SEL1L2: variants seen among roughly 807,000 people sequenced by gnomAD.
SEL1L2 encodes SEL1L2 adaptor subunit of SYVN1 ubiquitin ligase.
In SEL1L2, 89 loss-of-function variants were observed where a neutral mutation model predicts 98.8. The observed-to-expected ratio is 0.90, with a 90% CI of 0.76 to 1.07. The LOEUF (loss-of-function observed/expected upper bound fraction) is 1.07, where lower values mean the gene tolerates loss of function less well. Among genes scored for constraint, SEL1L2 ranks in the 50% least tolerant of loss-of-function variants. The pLI, the probability that SEL1L2 is intolerant of heterozygous loss-of-function variation, is 0.00. For missense variants in SEL1L2, 788 were observed against 812.0 expected, an observed-to-expected ratio of 0.97 and a Z score of 0.36; for synonymous variants, 262 against 278.5, an observed-to-expected ratio of 0.94 and a Z score of 0.59.
intron 18 of SEL1L2, 71 bp from the exon 19 acceptor site, chr20:13,850,390 T>C: frequency 2.0e-6 from 3 of 1,530,594 alleles, no homozygotes; most frequent in Non-Finnish European, 2.7e-6. Flanking sequence ...TTGTTCACAA[T>C]ATCAAATGTA....
intron 11 of SEL1L2, among the ~76,000 whole-genome samples, chr20:13,876,365 C>A: frequency 6.8e-6 from 1 of 147,282 alleles, no homozygotes; most frequent in East Asian, 2.0e-4. Context: ...TGCCTGAGGG[C>A]AAAGAAATGG....
chr20:13,961,597 A>T (rs181015228), intron 1 of SEL1L2, among the ~76,000 whole-genome samples: 1 of 152,312 alleles, frequency 6.6e-6, no homozygotes, highest in Admixed American at 6.5e-5. Flanking sequence ...TCAAAATGAG[A>T]AGAGGCCTCT....
intron 11 of SEL1L2, among the ~76,000 whole-genome samples, chr20:13,877,247 C>T (rs551862617): frequency 1.3e-5 from 2 of 152,192 alleles, no homozygotes; most frequent in Non-Finnish European, 2.9e-5. Context: ...CCCACTTAGC[C>T]GCTTCCGTGA....
In SEL1L2 at chr20:13,886,459, G is replaced by A. The variant is rs780640466; in HGVS notation, c.746-17C>T. The A allele has an allele frequency of 9.9e-6, 16 of 1,609,828 alleles. No homozygotes were observed. Among genetic ancestry groups the A allele is most frequent in the Non-Finnish European group, 1.3e-5 (15 of 1,178,372 alleles). ...TGTCAGCAACTGTGAATAAAAACAA[G>A]CCAGAGAATAGCTAGAAAACAGAGG... On this transcript the variant is annotated splice_polypyrimidine_tract_variant and intron_variant, in intron 8 of 19. Transcript: ENST00000284951.
chr20:13,965,110 C>T (rs1371779415), intron 1 of SEL1L2, among the ~76,000 whole-genome samples: 1 of 113,116 alleles, frequency 8.8e-6, no homozygotes, highest in African/African-American at 3.4e-5. Context: ...GCTGTGGGTG[C>T]AGGAGGTCAG....
chr20:13,895,225 A>C (rs757964868), intron 5 of SEL1L2, among the ~76,000 whole-genome samples: 9 of 152,110 alleles, frequency 5.9e-5, no homozygotes, highest in Non-Finnish European at 1.0e-4. Flanking sequence ...GGCAGATTGC[A>C]TGAGCTCACG....
intron 13 of SEL1L2, among the ~76,000 whole-genome samples, 159 bp downstream of exon 13, chr20:13,869,982 T>C (rs1215000894): frequency 6.6e-6 from 1 of 152,176 alleles, no homozygotes; most frequent in Non-Finnish European, 1.5e-5. Flanking sequence ...CAGTGTCTCT[T>C]TGGCAGAGAT....
At chr20:13,986,275 G>A (rs980795728) in intron 1 of SEL1L2, among the ~76,000 whole-genome samples, 5 of 149,938 alleles carry the variant, frequency 3.3e-5, no homozygotes, top group Admixed American at 1.3e-4. Context: ...AAAATTACCC[G>A]TTTTAAAGTG....
chr20:13,972,844 C>T (rs984019641), intron 1 of SEL1L2, among the ~76,000 whole-genome samples: 1 of 152,156 alleles, frequency 6.6e-6, no homozygotes, highest in Non-Finnish European at 1.5e-5. Flanking sequence ...AAAGTACTCA[C>T]ATTTTACCAC....
At chr20:13,850,520 G>A (rs556859795) in intron 18 of SEL1L2, among the ~76,000 whole-genome samples, 3 of 152,308 alleles carry the variant, frequency 2.0e-5, no homozygotes, top group Admixed American at 2.0e-4. Context: ...AAAGAGAGAT[G>A]TGGTGGAGGG....
chr20:13,873,688 G>A (rs1052444430), intron 12 of SEL1L2, among the ~76,000 whole-genome samples: 3 of 152,098 alleles, frequency 2.0e-5, no homozygotes, highest in Non-Finnish European at 4.4e-5. Flanking sequence ...ACACTTTCTG[G>A]GCCAGAAAAG....
At chr20:13,888,146 C>A in intron 6 of SEL1L2, 145 bp from the exon 7 acceptor site, 1 of 710,632 alleles carries the variant, frequency 1.4e-6, no homozygotes, top group Non-Finnish European at 2.3e-6. Flanking sequence ...TTTCACTCTC[C>A]TTTGTAAAGA....
At chr20:13,865,602 T>G in intron 15 of SEL1L2, 88 bp from the exon 16 acceptor site, 1 of 1,176,812 alleles carries the variant, frequency 8.5e-7, no homozygotes, top group Non-Finnish European at 1.2e-6. Flanking sequence ...CTTCAGCTCC[T>G]ACCAGCTGGT....
intron 18 of SEL1L2, among the ~76,000 whole-genome samples, chr20:13,855,641 T>A (rs1249052113): frequency 6.6e-6 from 1 of 152,174 alleles, no homozygotes; most frequent in Admixed American, 6.5e-5. Context: ...CATGTGGTAA[T>A]TGTGGGGCCA....
rs564751181 is a variant in SEL1L2 at position 13,870,854 on chromosome 20, T to C, written c.1105-651A>G. On this transcript the variant is annotated intron_variant, in intron 12 of 19. Transcript: ENST00000284951. The stretch of plus-strand genomic sequence containing the variant: ...AGGAGAATTGCTTGAACCCATGGAG[T>C]GGAGGTTGCAGTGAGCCGAGATTGC... Among the ~76,000 whole-genome samples the C allele has an allele frequency of 2.4e-4, 32 of 134,958 alleles. 1 individual carries two copies. The South Asian group carries it at 3.7e-3, about 15-fold the overall frequency. The allele number at this position is 134,958 out of a possible 152,430, so 88.5% of individuals were successfully genotyped here. A position where few individuals can be genotyped will look rare whatever the true frequency, so the allele number is the denominator to read the frequency against.
intron 3 of SEL1L2, among the ~76,000 whole-genome samples, chr20:13,927,340 A>G (rs1187067854): frequency 6.6e-6 from 1 of 152,220 alleles, no homozygotes; most frequent in Non-Finnish European, 1.5e-5. Context: ...CTTCATTCCA[A>G]CTATGCGACA....
At chr20:13,904,587 C>G (rs1568938256) in intron 5 of SEL1L2, among the ~76,000 whole-genome samples, 1 of 151,882 alleles carries the variant, frequency 6.6e-6, no homozygotes, top group Non-Finnish European at 1.5e-5. Context: ...TCTGCTAATT[C>G]CTCTAATCTT....
chr20:13,901,945 G>A (rs1199576164), intron 5 of SEL1L2, among the ~76,000 whole-genome samples: 2 of 152,178 alleles, frequency 1.3e-5, no homozygotes, highest in African/African-American at 4.8e-5. Context: ...TTACAGCCAT[G>A]AGCCACTGCC....
chr20:13,961,668 G>T (rs948566075), intron 1 of SEL1L2, among the ~76,000 whole-genome samples: 1 of 152,140 alleles, frequency 6.6e-6, no homozygotes, highest in Admixed American at 6.5e-5. Context: ...CACAAACATG[G>T]GCCATTTCTT....
Sources: allele counts gnomAD v4.1 joint callset (sites outside exome capture counted in the v4.1 genomes callset), GRCh38; gene constraint gnomAD v4.1.1; transcripts MANE v1.5; gene names NCBI Gene and HGNC (gene_info 2026-07-23, HGNC 2026-07-21).